Variants in DOK6 observed in about 807,000 individuals in gnomAD.
DOK6 encodes the protein docking protein 6.
Under a neutral mutation model 44.0 loss-of-function variants are expected in DOK6, and 22 were observed. That is an observed-to-expected ratio of 0.50 (90% CI 0.36 to 0.71). DOK6 has a LOEUF of 0.71. DOK6 is among the 30% of genes least tolerant of loss of function. The pLI is 0.00. For missense variants in DOK6, 340 were observed against 416.4 expected, an observed-to-expected ratio of 0.82 and a Z score of 1.60; for synonymous variants, 166 against 145.5, an observed-to-expected ratio of 1.14 and a Z score of -1.01.
At chr18:69,744,064 A>C (rs1978894105) in intron 6 of DOK6, among the ~76,000 whole-genome samples, 1 of 152,204 alleles carries the variant, frequency 6.6e-6, no homozygotes, top group Non-Finnish European at 1.5e-5. Context: ...AAAAGAAAGA[A>C]CATTGGGAGG....
chr18:69,838,253 AC>A (rs1267335783), intron 7 of DOK6, among the ~76,000 whole-genome samples: 4 of 151,518 alleles, frequency 2.6e-5, no homozygotes, highest in South Asian at 2.1e-4. Flanking sequence ...AAAAAAAAAA[AC>A]AGGATAAAAC....
intron 7 of DOK6, among the ~76,000 whole-genome samples, chr18:69,759,572 T>C (rs942194096): frequency 6.6e-6 from 1 of 152,162 alleles, no homozygotes; most frequent in Non-Finnish European, 1.5e-5. Context: ...CATGGTAGTA[T>C]GAAGGAAACG....
At chr18:69,629,212 A>T (rs1470428043) in intron 3 of DOK6, among the ~76,000 whole-genome samples, 2 of 152,188 alleles carry the variant, frequency 1.3e-5, no homozygotes, top group African/African-American at 4.8e-5. Flanking sequence ...TATGGTGTTG[A>T]TAGCCTGGCA....
At chr18:69,456,386 T>G (rs1979634306) in intron 1 of DOK6, among the ~76,000 whole-genome samples, 1 of 152,144 alleles carries the variant, frequency 6.6e-6, no homozygotes, top group African/African-American at 2.4e-5. Context: ...TACTTATAAG[T>G]GAGAACATAT....
chr18:69,699,757 G>C (rs1401251295), intron 5 of DOK6, among the ~76,000 whole-genome samples: 3 of 152,166 alleles, frequency 2.0e-5, no homozygotes, highest in African/African-American at 7.2e-5. Context: ...CTATGAAAAT[G>C]AGTTGACATG....
rs1338607426 is a variant in DOK6 at position 69,616,586 on chromosome 18, C to CT, written c.289+17094dup. ...TAGATGTGCAAGAATTTAGAAACTA[C>CT]TTTTTTAAAAACGTTTTATAAGCAA... On this transcript the variant is annotated intron_variant, in intron 3 of 7. Transcript: ENST00000382713. Among the ~76,000 whole-genome samples the CT allele has an allele frequency of 4.6e-5, 7 of 152,010 alleles. No homozygotes were observed. In the East Asian group the frequency reaches 1.2e-3, roughly 25 times the overall value.
Position 69,564,515 on chromosome 18 carries a change from A to G in DOK6, c.95A>G (p.Lys32Arg), listed in dbSNP as rs765185217. 1.2e-6 allele frequency: 2 copies of G among 1,613,934 alleles called. No individual in the cohort carries two copies. The highest frequency in any genetic ancestry group is 1.7e-5 in the Admixed American group (1 of 60,008). The change falls in exon 2 of 8, where the codon AAG becomes AGG. Residue 32 changes from lysine to arginine, a missense_variant. By Grantham distance (26) the Lys-to-Arg change is conservative. Around this residue, in one of 3 missense-constraint regions of DOK6, gnomAD observed 206 missense variants for 258.6 expected, o/e 0.80. Coordinates refer to ENST00000382713, the MANE Select transcript of DOK6 (RefSeq NM_152721.6). ...TTCAGACGATGCTGGTTGGTTTTCA[A>G]GAAGGCTTCTAGCAAAGGACCCAGA... is the stretch of plus-strand genomic sequence containing the variant. ...GIFRRCWLVFKKASSKGPRRL... is the reference protein window; with the variant it reads ...GIFRRCWLVFRKASSKGPRRL...
At chr18:69,837,318 G>A (rs749851447) in intron 7 of DOK6, among the ~76,000 whole-genome samples, 18 of 152,158 alleles carry the variant, frequency 1.2e-4, no homozygotes, top group Non-Finnish European at 1.9e-4. Context: ...GGATGAGACA[G>A]CAAGAAGGAG....
chr18:69,658,160 C>A (rs1247004449), intron 3 of DOK6, among the ~76,000 whole-genome samples: 1 of 151,828 alleles, frequency 6.6e-6, no homozygotes. Flanking sequence ...CTATATTGAC[C>A]AGGCTGGTTT....
intron 3 of DOK6, among the ~76,000 whole-genome samples, chr18:69,612,440 AGGGCGCATGTGTGCGAGCGTGCATATGT>A (rs1568311267): frequency 1.4e-5 from 2 of 146,746 alleles, no homozygotes; most frequent in East Asian, 3.9e-4. Context: ...CATGTGTGCG[AGGGCGCATGTGTGCGAGCGTGCATATGT>A]ATTTCTTGCT....
intron 5 of DOK6, among the ~76,000 whole-genome samples, chr18:69,713,596 G>GTT (rs1396178537): frequency 1.3e-5 from 2 of 152,056 alleles, no homozygotes; most frequent in African/African-American, 4.8e-5. Context: ...TATATTTTTT[G>GTT]TCATTTTGCA....
chr18:69,735,643 C>T (rs531792687), intron 5 of DOK6, among the ~76,000 whole-genome samples: 10 of 152,334 alleles, frequency 6.6e-5, no homozygotes, highest in African/African-American at 1.4e-4. Context: ...TGTAGGCATG[C>T]AGCACCCCCA....
chr18:69,644,863 A>G (rs1019264671), intron 3 of DOK6, among the ~76,000 whole-genome samples: 1 of 152,238 alleles, frequency 6.6e-6, no homozygotes, highest in Non-Finnish European at 1.5e-5. Flanking sequence ...TAAGTAAAGC[A>G]AATCTCAGAT....
chr18:69,681,937 T>C (rs1986054826), intron 4 of DOK6, among the ~76,000 whole-genome samples: 1 of 152,202 alleles, frequency 6.6e-6, no homozygotes, highest in African/African-American at 2.4e-5. Context: ...ACAAAAATAA[T>C]GGAACCTCAG....
chr18:69,416,568 CT>C (rs140768891), intron 1 of DOK6, among the ~76,000 whole-genome samples: 8,139 of 152,124 alleles, frequency 0.054, 251 homozygotes, highest in Middle Eastern at 0.12. Flanking sequence ...AAACATCTGC[CT>C]TCTGTTCTTA....
chr18:69,614,271 C>G (rs2144633430), intron 3 of DOK6, among the ~76,000 whole-genome samples: 1 of 152,196 alleles, frequency 6.6e-6, no homozygotes. Flanking sequence ...TTTCCTACCA[C>G]AAGTCATCTA....
chr18:69,672,725 T>G (rs994348413), intron 3 of DOK6, among the ~76,000 whole-genome samples: 59 of 137,966 alleles, frequency 4.3e-4, no homozygotes, highest in Admixed American at 1.1e-3. Context: ...GTGGGGGCGG[T>G]GGGGAAACAA....
chr18:69,722,044 A>C (rs1978289371), intron 5 of DOK6, among the ~76,000 whole-genome samples: 1 of 152,134 alleles, frequency 6.6e-6, no homozygotes, highest in Non-Finnish European at 1.5e-5. Flanking sequence ...GGAAACCGAA[A>C]CCTCCCTCAA....
intron 7 of DOK6, among the ~76,000 whole-genome samples, chr18:69,790,387 A>G (rs1160026511): frequency 6.6e-6 from 1 of 152,168 alleles, no homozygotes; most frequent in Non-Finnish European, 1.5e-5. Flanking sequence ...CCTTTGTAAC[A>G]GACCTGCAGG....
Sources: gnomAD v4.1 joint callset for allele counts (sites outside exome capture counted in the v4.1 genomes callset) on GRCh38, gnomAD v4.1.1 for gene constraint, gnomAD v4.1.1 regional missense constraint, MANE v1.5 for transcripts, NCBI Gene and HGNC (gene_info 2026-07-23, HGNC 2026-07-21) for gene names.